The following PLA2G4D variants were observed in gnomAD, a reference collection of about 807,000 sequenced individuals.
PLA2G4D encodes cytosolic phospholipase A2 delta.
A neutral mutation model predicts 94.4 loss-of-function variants in PLA2G4D; 80 were observed. The observed-to-expected ratio is 0.85, with a 90% confidence interval of 0.71 to 1.02. The LOEUF is 1.02. Ranked by LOEUF, PLA2G4D falls within the 50% of genes least tolerant of loss-of-function variation. The pLI is 0.00. For synonymous variants in PLA2G4D, 438 were observed against 440.9 expected, an observed-to-expected ratio of 0.99 and a Z score of 0.08; for missense variants, 1,050 against 1,034.7, an observed-to-expected ratio of 1.01 and a Z score of -0.20.
intron 9 of PLA2G4D, 137 bp downstream of exon 9, chr15:42,082,142 G>T: frequency 2.6e-6 from 2 of 773,892 alleles, no homozygotes; most frequent in Non-Finnish European, 4.1e-6. Flanking sequence ...ATGTTGGCCA[G>T]GCTGTTCTCA....
At position 42,086,290 on chromosome 15, in the gene PLA2G4D, A is replaced by T; in HGVS notation, c.310T>A (p.Cys104Ser). ...DEDSVTEDDICFKVLYDISEV... is the reference protein window; with the variant it reads ...DEDSVTEDDISFKVLYDISEV... ...GAGATGTCATAGAGAACCTTGAAGC[A>T]GATGTCATCCTCCGTGACTGAGTCC... Residue 104 changes from cysteine to serine, a missense_variant, in exon 4 of 20, where the codon TGC (cysteine) becomes AGC (serine). By Grantham distance (112) the Cys-to-Ser change is moderately radical. Transcript: ENST00000290472. The T allele has an allele frequency of 6.2e-7, 1 of 1,605,454 alleles. No individual in the cohort carries two copies. Among genetic ancestry groups the T allele is most frequent in the Non-Finnish European group, 8.5e-7 (1 of 1,176,108 alleles).
At chr15:42,091,512 G>A (rs144718818) in intron 1 of PLA2G4D, among the ~76,000 whole-genome samples, 414 of 150,610 alleles carry the variant, frequency 2.7e-3, no homozygotes, top group African/African-American at 9.6e-3. Context: ...GTTGCCAGGC[G>A]GACCATGGTC....
Position 42,071,305 on chromosome 15 carries a change from A to G in PLA2G4D, c.1694T>C (p.Leu565Pro). 1 of 1,585,342 alleles carries G rather than the reference A, an allele frequency of 6.3e-7. No homozygotes were observed. The highest frequency in any genetic ancestry group is 1.4e-5 in the African/African-American group (1 of 73,172). ...CCGCGAGGAGGTCCCCGAGGTGGTC[A>G]GGGGCTCCTTCTCTGAAGCCAGAGA... ...DKTRSLEKEPLTTSGTSSRLE... is the reference protein window; with the variant it reads ...DKTRSLEKEPPTTSGTSSRLE... Residue 565 changes from leucine (L) to proline (P), a missense_variant, in exon 17 of 20, where the codon CTG becomes CCG. Leu to Pro is a moderately conservative substitution (Grantham distance 98). Coordinates refer to ENST00000290472, the MANE Select transcript of PLA2G4D (RefSeq NM_178034.4).
At chr15:42,083,090 G>A in intron 8 of PLA2G4D, 108 bp downstream of exon 8, 2 of 1,448,276 alleles carry the variant, frequency 1.4e-6, no homozygotes, top group South Asian at 1.4e-5. Context: ...AGGCTGACAA[G>A]GCCACAGGGG....
At chr15:42,079,514 C>T (rs1889991924) in intron 13 of PLA2G4D, 23 bp downstream of exon 13, 1 of 1,571,476 alleles carries the variant, frequency 6.4e-7, no homozygotes. Context: ...CACGCGTCTC[C>T]CCCACGTGCG....
At chr15:42,074,388 T>A (rs1332047907) in intron 13 of PLA2G4D, among the ~76,000 whole-genome samples, 2 of 152,252 alleles carry the variant, frequency 1.3e-5, no homozygotes, top group East Asian at 1.9e-4. Flanking sequence ...GGAAGGAAAG[T>A]GTGTCAGCTC....
intron 13 of PLA2G4D, among the ~76,000 whole-genome samples, chr15:42,073,409 C>T (rs1038322366): frequency 1.3e-5 from 2 of 152,162 alleles, no homozygotes; most frequent in South Asian, 4.1e-4. Flanking sequence ...GCTAGAATTG[C>T]AAATAGAGCT....
At position 42,084,495 on chromosome 15, in the gene PLA2G4D, G is replaced by A. The variant is rs1291889824; in HGVS notation, c.471+601C>T. On this transcript the variant is annotated intron_variant, in intron 6 of 19. Transcript: ENST00000290472. The surrounding 1 kb of genome is among the most constrained non-coding windows in gnomAD (Gnocchi z 4.8). ...TGCCTTCGCCCGTGACCCTGGACCCGCCTGCTCCCAGGTCTGTGCTGCTGG... is the reference window on the plus strand; with the variant it reads ...TGCCTTCGCCCGTGACCCTGGACCCACCTGCTCCCAGGTCTGTGCTGCTGG... 6.6e-6 allele frequency among the ~76,000 whole-genome samples: 1 copy of A among 152,162 alleles called. No individual in the cohort carries two copies. The highest frequency in any genetic ancestry group is 1.5e-5 in the Non-Finnish European group (1 of 68,036).
rs908529551 is a variant in PLA2G4D, at chr15:42,069,850, G to C, written c.2230+59C>G. 1.0e-5 allele frequency: 13 copies of C among 1,298,240 alleles called. No individual in the cohort carries two copies. The African/African-American group carries it at 1.1e-4, about 11-fold the overall frequency. The allele number at this position is 1,298,240 out of a possible 1,614,324, so 80.4% of individuals were successfully genotyped here. A position where few individuals can be genotyped will look rare whatever the true frequency, so the allele number is the denominator to read the frequency against. On this transcript the variant is annotated intron_variant, in intron 19 of 19. Transcript: ENST00000290472. ...CTTCCCTCTGCTGGGCAGCCGGGGGGCCCAGGGCAGGCCTCTGAGGGGCCA... is the reference window on the plus strand; with the variant it reads ...CTTCCCTCTGCTGGGCAGCCGGGGGCCCCAGGGCAGGCCTCTGAGGGGCCA...
rs1478252085 is a variant in PLA2G4D at position 42,084,616 on chromosome 15, G to A, written c.471+480C>T. Among the ~76,000 whole-genome samples, 2 of 151,868 alleles carry A rather than the reference G, an allele frequency of 1.3e-5. No individual in the cohort carries two copies. The highest frequency in any genetic ancestry group is 2.4e-5 in the African/African-American group (1 of 41,332). On this transcript the variant is annotated intron_variant, in intron 6 of 19. Coordinates refer to ENST00000290472, the MANE Select transcript of PLA2G4D (RefSeq NM_178034.4). The surrounding 1 kb of genome is among the most constrained non-coding windows in gnomAD (Gnocchi z 4.8). ...TCGTGAGCCCGTGGTCAGGAGCGCT[G>A]ACCAGGACTCTCCCCAGTCCCAAGG...
Position 42,070,671 on chromosome 15 carries a change from C to A in PLA2G4D, c.2043+46G>T, listed in dbSNP as rs776436059. The A allele has an allele frequency of 3.3e-6, 5 of 1,535,000 alleles. No individual in the cohort carries two copies. In the South Asian group the frequency reaches 6.1e-5, roughly 19 times the overall value. ...GTGGCCCTGCTGCTCGCCTCTGGAG[C>A]TTGGCCTGGCTGGGCAGAGGGGTTC... On this transcript the variant is annotated intron_variant, in intron 18 of 19. Transcript: ENST00000290472.
chr15:42,078,623 G>A (rs1284481212), intron 13 of PLA2G4D, among the ~76,000 whole-genome samples: 7 of 152,104 alleles, frequency 4.6e-5, no homozygotes, highest in Non-Finnish European at 5.9e-5. Flanking sequence ...TAGTTTACAC[G>A]ATAATCATTC....
chr15:42,081,744 C>A, intron 10 of PLA2G4D, 53 bp downstream of exon 10: 1 of 1,613,818 alleles, frequency 6.2e-7, no homozygotes, highest in South Asian at 1.1e-5. Flanking sequence ...CCATAGCCCT[C>A]CCCTCCTGCA....
In PLA2G4D at chr15:42,084,388, T is replaced by C. The variant is rs1890100178; in HGVS notation, c.472-609A>G. On this transcript the variant is annotated intron_variant, in intron 6 of 19. Transcript: ENST00000290472. This position sits in a 1 kb window ranked among gnomAD's most constrained non-coding sequence, Gnocchi z 4.8. ...CCTCCTAAGAGGCAGTGCCATCGGC[T>C]TGACTTTATTTTCATGTGTATTTTT... is the stretch of plus-strand genomic sequence containing the variant. Among the ~76,000 whole-genome samples, 1 of 152,208 alleles carries C rather than the reference T, an allele frequency of 6.6e-6. No individual in the cohort carries two copies. The highest frequency in any genetic ancestry group is 6.5e-5 in the Admixed American group (1 of 15,286).
rs1312636565 is a variant in PLA2G4D, at chr15:42,081,067, G to A, written c.1024C>T (p.Leu342=). The change falls in exon 12 of 20, where the codon CTA becomes TTA. Residue 342 remains leucine, a synonymous_variant. Transcript: ENST00000290472. ...AGGCCCAGCTTCTGCAAGGCCAATAGGTGGCCGTAGAGTGAGGTCATGGCC... is the reference window on the plus strand; with the variant it reads ...AGGCCCAGCTTCTGCAAGGCCAATAAGTGGCCGTAGAGTGAGGTCATGGCC... ...ARAMTSLYGH[L]LALQKLGLLD... The A allele has an allele frequency of 3.7e-6, 6 of 1,614,072 alleles. No homozygotes were observed. Among genetic ancestry groups the A allele is most frequent in the Non-Finnish European group, 5.1e-6 (6 of 1,180,044 alleles).
intron 13 of PLA2G4D, among the ~76,000 whole-genome samples, chr15:42,073,593 C>T (rs1031413369): frequency 4.6e-5 from 7 of 152,202 alleles, no homozygotes; most frequent in Non-Finnish European, 8.8e-5. Context: ...GGAAGAGTGT[C>T]TAGTTCTAGA....
At chr15:42,070,367 C>G (rs1889780268) in intron 18 of PLA2G4D, 1 of 521,778 alleles carries the variant, frequency 1.9e-6, no homozygotes, top group Non-Finnish European at 3.4e-6. Flanking sequence ...TATTGCTGGA[C>G]TGTTCAAATC....
chr15:42,068,697 T>C lies in PLA2G4D; in HGVS notation c.*18A>G. On this transcript the variant is annotated 3_prime_UTR_variant, in exon 20 of 20. Transcript: ENST00000290472. ...TATGCCCGCAGGCCCTGGAGGGTCC[T>C]GCAGCCTCTGAGCAACCTCAGGTCT... 1 of 1,588,042 alleles carries C rather than the reference T, an allele frequency of 6.3e-7. No individual in the cohort carries two copies. The highest frequency in any genetic ancestry group is 8.6e-7 in the Non-Finnish European group (1 of 1,166,812).
chr15:42,071,346 C>T (rs1166602578), intron 16 of PLA2G4D, 29 bp from the exon 17 acceptor site: 9 of 1,572,042 alleles, frequency 5.7e-6, no homozygotes, highest in Non-Finnish European at 7.8e-6. Context: ...AAATTGGTCC[C>T]TTCTTCCCCT....
Sources: allele counts gnomAD v4.1 joint callset (sites outside exome capture counted in the v4.1 genomes callset), GRCh38; gene constraint gnomAD v4.1.1; non-coding constraint Gnocchi (gnomAD v3.1); transcripts MANE v1.5; gene names NCBI Gene and HGNC (gene_info 2026-07-23, HGNC 2026-07-21).